Variants in MYO18A observed in about 807,000 individuals in gnomAD.
MYO18A encodes unconventional myosin-XVIIIa.
In MYO18A, 78 loss-of-function variants were observed where a neutral mutation model predicts 235.8. The ratio of observed to expected loss-of-function variants is 0.33; its 90% CI spans 0.28 to 0.40. MYO18A has a LOEUF of 0.40. MYO18A is among the 10% of genes least tolerant of loss of function. The pLI is 1.00. For missense variants in MYO18A, 2,215 were observed against 2,699.3 expected, an observed-to-expected ratio of 0.82 and a Z score of 3.98; for synonymous variants, 977 against 1,077.8, an observed-to-expected ratio of 0.91 and a Z score of 1.83.
chr17:29,081,071 T>C (rs536333747), intron 41 of MYO18A: 1 of 863,462 alleles, frequency 1.2e-6, no homozygotes, highest in African/African-American at 1.9e-5. Context: ...GAGAGGGAGG[T>C]TGAGAGAGAG....
intron 31 of MYO18A, 70 bp from the exon 32 acceptor site, chr17:29,093,497 C>T (rs930064573): frequency 4.2e-6 from 5 of 1,200,168 alleles, no homozygotes; most frequent in Admixed American, 3.8e-5. Flanking sequence ...CCCTTCCATT[C>T]TGGGTTCCCC....
At chr17:29,148,857 T>C (rs1394019272) in intron 2 of MYO18A, among the ~76,000 whole-genome samples, 1 of 152,134 alleles carries the variant, frequency 6.6e-6, no homozygotes, top group East Asian at 1.9e-4. Flanking sequence ...CTCAGCACCC[T>C]ACGCACGGGT....
intron 21 of MYO18A, among the ~76,000 whole-genome samples, 161 bp downstream of exon 21, chr17:29,103,438 A>G (rs1410500902): frequency 6.6e-6 from 1 of 152,240 alleles, no homozygotes; most frequent in African/African-American, 2.4e-5. Flanking sequence ...TGAAGGGGGC[A>G]GCCCCTGAGT....
Position 29,072,826 on chromosome 17 carries a change from G to A in MYO18A, c.*1944C>T, listed in dbSNP as rs759387173. 2 of 152,238 alleles carry A rather than the reference G, an allele frequency of 1.3e-5. No homozygotes were observed. Among genetic ancestry groups the A allele is most frequent in the Non-Finnish European group, 2.9e-5 (2 of 68,070 alleles). The allele number at this position is 152,238 out of a possible 1,614,324, so 9.4% of individuals were successfully genotyped here. On this transcript the variant is annotated 3_prime_UTR_variant, in exon 42 of 42. Transcript: ENST00000527372. ...GAATGAGAAGGTAGAAGGTAGAAGAGGAGGAGGGGTGTCATTTGTTTCTTG... is the reference window on the plus strand; with the variant it reads ...GAATGAGAAGGTAGAAGGTAGAAGAAGAGGAGGGGTGTCATTTGTTTCTTG...
At chr17:29,148,156 A>G (rs2067888198) in intron 2 of MYO18A, among the ~76,000 whole-genome samples, 1 of 152,122 alleles carries the variant, frequency 6.6e-6, no homozygotes, top group Admixed American at 6.5e-5. Flanking sequence ...TGAGATATAT[A>G]TATCTTAACA....
At position 29,166,396 on chromosome 17, in the gene MYO18A, G is replaced by T. The variant is rs749975950; in HGVS notation, c.545C>A (p.Pro182Gln). ...LEGQLVQHPGPGIPRPGHRSR... is the reference protein window; with the variant it reads ...LEGQLVQHPGQGIPRPGHRSR... ...TCGGTGCCCTGGTCGAGGGATGCCTGGGCCAGGATGCTGCACCAGCTGTCC... is the reference window on the plus strand; with the variant it reads ...TCGGTGCCCTGGTCGAGGGATGCCTTGGCCAGGATGCTGCACCAGCTGTCC... The change falls in exon 2 of 42, where the codon CCA becomes CAA. Residue 182 changes from proline to glutamine, a missense_variant. Pro to Gln is a moderately conservative substitution (Grantham distance 76). Transcript: ENST00000527372. The T allele has an allele frequency of 1.9e-6, 3 of 1,613,778 alleles. No individual in the cohort carries two copies. The highest frequency in any genetic ancestry group is 2.5e-6 in the Non-Finnish European group (3 of 1,179,892).
chr17:29,090,960 A>G lies in MYO18A; in HGVS notation c.5188-34T>C. ...AGGCAAAGACAGATCAGAGGGCCTC[A>G]GGCCCAGTGTGCCTGTGGGCTCCAG... On this transcript the variant is annotated intron_variant, in intron 34 of 41. Coordinates refer to ENST00000527372, the MANE Select transcript of MYO18A (RefSeq NM_078471.4). 5.1e-6 allele frequency: 8 copies of G among 1,575,660 alleles called. No homozygotes were observed. The South Asian group carries it at 8.9e-5, about 17-fold the overall frequency.
At chr17:29,116,119 C>G (rs1324886705) in intron 11 of MYO18A, among the ~76,000 whole-genome samples, 1 of 152,218 alleles carries the variant, frequency 6.6e-6, no homozygotes, top group African/African-American at 2.4e-5. Flanking sequence ...TCAGATGGCT[C>G]AGCTCCGGGG....
In MYO18A at chr17:29,140,397, T is replaced by G; in HGVS notation, c.1000-18144A>C. On this transcript the variant is annotated intron_variant, in intron 2 of 41. Coordinates refer to ENST00000527372, the MANE Select transcript of MYO18A (RefSeq NM_078471.4). This position sits in a 1 kb window ranked among gnomAD's most constrained non-coding sequence, Gnocchi z 4.2. ...AGGAGACTCCGCTCTGATGCTGCTC[T>G]GGCTCCGTTAGCAGCTCAAAATAGC... 3.1e-6 allele frequency: 4 copies of G among 1,283,978 alleles called. No homozygotes were observed. The highest frequency in any genetic ancestry group is 4.1e-6 in the Non-Finnish European group (4 of 986,308). The allele number at this position is 1,283,978 out of a possible 1,614,324, so 79.5% of individuals were successfully genotyped here.
chr17:29,104,291 C>G (rs1051848817), intron 20 of MYO18A, among the ~76,000 whole-genome samples: 1 of 152,116 alleles, frequency 6.6e-6, no homozygotes, highest in Non-Finnish European at 1.5e-5. Flanking sequence ...GAGGCTAGAG[C>G]CTGGCCCAAG....
At chr17:29,143,402 G>GTT (rs532615100) in intron 2 of MYO18A, among the ~76,000 whole-genome samples, 113 of 121,510 alleles carry the variant, frequency 9.3e-4, no homozygotes, top group African/African-American at 2.1e-3. Context: ...CACCATGTAG[G>GTT]TTTTTTTTTT....
At chr17:29,128,592 C>T (rs1382156118) in intron 2 of MYO18A, 6 of 1,175,438 alleles carry the variant, frequency 5.1e-6, no homozygotes, top group Non-Finnish European at 6.5e-6. Context: ...CCCTGCAGCC[C>T]TGCCCATCCC....
At chr17:29,131,011 A>G (rs1029128036) in intron 2 of MYO18A, among the ~76,000 whole-genome samples, 1 of 152,136 alleles carries the variant, frequency 6.6e-6, no homozygotes, top group Admixed American at 6.5e-5. Flanking sequence ...TCCCTGACCT[A>G]AGAGTTTGCC....
chr17:29,091,758 C>T, intron 34 of MYO18A: 1 of 440,452 alleles, frequency 2.3e-6, no homozygotes, highest in Non-Finnish European at 4.6e-6. Context: ...CCTCCCCTGC[C>T]CCATTCCCTG....
chr17:29,136,245 AAAAAAATAT>A (rs758258339), intron 2 of MYO18A, among the ~76,000 whole-genome samples: 4,818 of 78,594 alleles, frequency 0.061, 63 homozygotes, highest in Non-Finnish European at 0.086. Context: ...GAAAAAAAAA[AAAAAAATAT>A]ATATATATAT....
chr17:29,137,852 T>C (rs980143242), intron 2 of MYO18A, among the ~76,000 whole-genome samples: 12 of 152,184 alleles, frequency 7.9e-5, no homozygotes, highest in South Asian at 2.1e-4. Flanking sequence ...AGACACAACA[T>C]GAACACCTGG....
At chr17:29,153,868 T>G (rs1253600349) in intron 2 of MYO18A, among the ~76,000 whole-genome samples, 1 of 152,086 alleles carries the variant, frequency 6.6e-6, no homozygotes, top group Non-Finnish European at 1.5e-5. Flanking sequence ...GGTCCCTCTT[T>G]CAGAGCACAG....
Position 29,107,151 on chromosome 17 carries a change from G to A in MYO18A, c.3370C>T (p.Arg1124Cys), listed in dbSNP as rs781201603. 16 of 1,613,890 alleles carry A rather than the reference G, an allele frequency of 9.9e-6. No homozygotes were observed. In the East Asian group the frequency reaches 1.1e-4, roughly 11 times the overall value. ...DHMVFSEFRR[R>C]FDVLAPHLTK... is the part of the protein sequence containing the mutation. ...AGGTGCGGGGCCAGGACATCAAAGCGGCGGCGGAACTCGGAAAACACCATG... is the reference window on the plus strand; with the variant it reads ...AGGTGCGGGGCCAGGACATCAAAGCAGCGGCGGAACTCGGAAAACACCATG... Residue 1124 changes from arginine (R) to cysteine (C), a missense_variant, in exon 20 of 42, where the codon CGC becomes TGC. By Grantham distance (180) the Arg-to-Cys change is radical (BLOSUM62 -3). Coordinates refer to ENST00000527372, the MANE Select transcript of MYO18A (RefSeq NM_078471.4).
intron 2 of MYO18A, among the ~76,000 whole-genome samples, chr17:29,153,756 A>G (rs545926491): frequency 1.3e-5 from 2 of 152,298 alleles, no homozygotes; most frequent in African/African-American, 4.8e-5. Context: ...AAGCAACTTC[A>G]TGTTTGACAA....
Sources: allele counts gnomAD v4.1 joint callset (sites outside exome capture counted in the v4.1 genomes callset), GRCh38; gene constraint gnomAD v4.1.1; non-coding constraint Gnocchi (gnomAD v3.1); transcripts MANE v1.5; gene names NCBI Gene and HGNC (gene_info 2026-07-23, HGNC 2026-07-21).